Variants in RDH13 observed in about 807,000 individuals in gnomAD.
The protein encoded by RDH13 is retinol dehydrogenase 13, also known as retinol dehydrogenase 13 (all-trans and 9-cis).
A neutral mutation model predicts 28.3 loss-of-function variants in RDH13; 35 were observed. The ratio of observed to expected loss-of-function variants is 1.24; its 90% CI spans 0.95 to 1.64. The LOEUF (loss-of-function observed/expected upper bound fraction) is 1.64, where lower values mean the gene tolerates loss of function less well. RDH13 is among the 40% of genes most tolerant of loss of function. The pLI, the probability that RDH13 is intolerant of heterozygous loss-of-function variation, is 0.00. For synonymous variants in RDH13, 229 were observed against 198.5 expected, an observed-to-expected ratio of 1.15 and a Z score of -1.29; for missense variants, 514 against 446.3, an observed-to-expected ratio of 1.15 and a Z score of -1.37.
intron 1 of RDH13, among the ~76,000 whole-genome samples, chr19:55,061,379 T>C (rs1346317920): frequency 6.6e-6 from 1 of 151,834 alleles, no homozygotes; most frequent in East Asian, 2.0e-4. Flanking sequence ...TCCGCCTGCC[T>C]TGGCCTCCCA....
intron 3 of RDH13, among the ~76,000 whole-genome samples, chr19:55,049,464 G>C (rs187712955): frequency 1.4e-4 from 21 of 152,226 alleles, no homozygotes; most frequent in Admixed American, 1.3e-3. Flanking sequence ...CTCGGGTTCC[G>C]TAACAAAGTG....
chr19:55,048,794 C>T lies in RDH13; in HGVS notation c.341-31G>A, dbSNP rs770061374. ...AGAGAGGGGTGGAGGAGGAGACATCCCGGTGAGGACAGACCCCAGCCTGAT... is the reference window on the plus strand; with the variant it reads ...AGAGAGGGGTGGAGGAGGAGACATCTCGGTGAGGACAGACCCCAGCCTGAT... On this transcript the variant is annotated intron_variant, in intron 3 of 6. Transcript: ENST00000415061. The T allele has an allele frequency of 4.4e-6, 7 of 1,578,134 alleles. No individual in the cohort carries two copies. The South Asian group carries it at 6.7e-5, about 15-fold the overall frequency.
chr19:55,066,935 C>A (rs1422568088), upstream of RDH13, among the ~76,000 whole-genome samples: 1 of 152,142 alleles, frequency 6.6e-6, no homozygotes, highest in Non-Finnish European at 1.5e-5. Flanking sequence ...ACAGCCCCAG[C>A]CATCACCAAA....
chr19:55,061,409 G>A (rs929269661), intron 1 of RDH13, among the ~76,000 whole-genome samples: 4 of 151,768 alleles, frequency 2.6e-5, no homozygotes, highest in African/African-American at 4.8e-5. Flanking sequence ...GATTACAGGC[G>A]TGAGCCACCA....
intron 3 of RDH13, among the ~76,000 whole-genome samples, chr19:55,054,316 C>G (rs1234254764): frequency 6.6e-6 from 1 of 152,210 alleles, no homozygotes; most frequent in Non-Finnish European, 1.5e-5. Context: ...AACAAAGCAG[C>G]TGGGCATGGT....
chr19:55,052,490 G>A (rs1452122634), intron 3 of RDH13, among the ~76,000 whole-genome samples: 3 of 149,960 alleles, frequency 2.0e-5, no homozygotes, highest in East Asian at 2.0e-4. Context: ...GATGCCGTGA[G>A]CCAAGATCCC....
At chr19:55,047,275 G>A in intron 6 of RDH13, 112 bp downstream of exon 6, 1 of 1,485,946 alleles carries the variant, frequency 6.7e-7, no homozygotes, top group Non-Finnish European at 8.9e-7. Context: ...CGTAGGCGAG[G>A]AGCAGGCATG....
At position 55,056,657 on chromosome 19, in the gene RDH13, A is replaced by G; in HGVS notation, c.336T>C (p.Ile112=). 6.2e-7 allele frequency: 1 copy of G among 1,613,778 alleles called. No homozygotes were observed. The highest frequency in any genetic ancestry group is 8.5e-7 in the Non-Finnish European group (1 of 1,179,936). The change falls in exon 3 of 7, where the codon ATT becomes ATC. Residue 112 remains isoleucine (I), a synonymous_variant. Coordinates refer to ENST00000415061, the MANE Select transcript of RDH13 (RefSeq NM_001145971.2). The stretch of plus-strand genomic sequence containing the variant: ...ACATGGCCAGCGTTCTCCTACCTTC[A>G]ATGATCTTTGCTGCAAACTCTCGGA... ...KSIREFAAKI[I]EEEERVDILI...
At chr19:55,051,536 T>C (rs940844177) in intron 3 of RDH13, among the ~76,000 whole-genome samples, 3 of 59,956 alleles carry the variant, frequency 5.0e-5, no homozygotes, top group African/African-American at 1.6e-4. Flanking sequence ...GTTCAGGCGA[T>C]TCTGCTGCCT....
In RDH13 at chr19:55,056,671, CA is replaced by C; in HGVS notation, c.321del (p.Phe107LeufsTer15). On this transcript the variant is annotated frameshift_variant, in exon 3 of 7. Coordinates refer to ENST00000415061, the MANE Select transcript of RDH13 (RefSeq NM_001145971.2). LOFTEE classifies it high-confidence loss of function. ...CTCCTACCTTCAATGATCTTTGCTGCAAACTCTCGGATAGACTTGAGGGAAG... is the reference window on the plus strand; with the variant it reads ...CTCCTACCTTCAATGATCTTTGCTGCAACTCTCGGATAGACTTGAGGGAAG... ...DLASLKSIRE[F>X]AAKIIEEEER... The C allele has an allele frequency of 6.2e-7, 1 of 1,614,004 alleles. No individual in the cohort carries two copies. Among genetic ancestry groups the C allele is most frequent in the Non-Finnish European group, 8.5e-7 (1 of 1,179,990 alleles).
upstream of RDH13, among the ~76,000 whole-genome samples, chr19:55,065,252 C>T (rs1333657033): frequency 1.3e-5 from 2 of 151,376 alleles, no homozygotes; most frequent in South Asian, 2.1e-4. Flanking sequence ...GGTTTGGTGG[C>T]ACGCATCTGC....
chr19:55,041,390 A>G (rs1383201885), downstream of RDH13: 1 of 152,280 alleles, frequency 6.6e-6, no homozygotes, highest in Admixed American at 6.5e-5. Flanking sequence ...AGCCAAGGAC[A>G]CTGCTCAGCA....
At chr19:55,052,413 G>A (rs866171758) in intron 3 of RDH13, among the ~76,000 whole-genome samples, 2 of 149,686 alleles carry the variant, frequency 1.3e-5, no homozygotes, top group African/African-American at 2.5e-5. Context: ...GCGTGGTGGC[G>A]CATGCCTGTA....
At chr19:55,049,617 G>C (rs149365788) in intron 3 of RDH13, among the ~76,000 whole-genome samples, 3 of 151,778 alleles carry the variant, frequency 2.0e-5, no homozygotes, top group Non-Finnish European at 1.5e-5. Context: ...TGGAGAAACC[G>C]CGTCTTTACT....
In RDH13 at chr19:55,056,906, A is replaced by G. The variant is rs1039156410; in HGVS notation, c.185-98T>C. ...CATACGTCTACACAAAAACACATCC[A>G]CCAATGTTCACTGCGGCATTCTTCA... On this transcript the variant is annotated intron_variant, in intron 2 of 6. Coordinates refer to ENST00000415061, the MANE Select transcript of RDH13 (RefSeq NM_001145971.2). The G allele has an allele frequency of 7.7e-6, 8 of 1,035,028 alleles. No individual in the cohort carries two copies. In the African/African-American group the frequency reaches 1.1e-4, roughly 15 times the overall value. The allele number at this position is 1,035,028 out of a possible 1,614,324, so 64.1% of individuals were successfully genotyped here.
At chr19:55,041,461 G>A (rs138907028), downstream of RDH13, 1,491 of 152,404 alleles carry the variant, frequency 9.8e-3, 17 homozygotes, top group Middle Eastern at 0.017. Context: ...ACATATAGGT[G>A]GGAAGGATGC....
In RDH13 at chr19:55,045,228, G is replaced by A. The variant is rs563274186; in HGVS notation, c.842C>T (p.Ala281Val). Residue 281 changes from alanine (A) to valine (V), a missense_variant, in exon 7 of 7, where the codon GCG (alanine) becomes GTG (valine). Coordinates refer to ENST00000415061, the MANE Select transcript of RDH13 (RefSeq NM_001145971.2). Reference sequence around the variant, plus strand: ...ATCGAAGTACTTTCCGGAAACATCCGCCAGTTCCTCCGCCACGGCCAGGTA... The same window carrying A: ...ATCGAAGTACTTTCCGGAAACATCCACCAGTTCCTCCGCCACGGCCAGGTA... Reference protein sequence around the residue: ...STYLAVAEELADVSGKYFDGL... With the variant: ...STYLAVAEELVDVSGKYFDGL... 6.7e-5 allele frequency: 108 copies of A among 1,613,388 alleles called. No individual in the cohort carries two copies. In the South Asian group the frequency reaches 9.7e-4, roughly 14 times the overall value.
intron 6 of RDH13, 65 bp from the exon 7 acceptor site, chr19:55,045,374 C>CCTGA: frequency 3.0e-6 from 4 of 1,350,994 alleles, no homozygotes; most frequent in Non-Finnish European, 4.1e-6. Context: ...AGCCCCGCTC[C>CCTGA]CCGGTCAGGG....
intron 3 of RDH13, among the ~76,000 whole-genome samples, chr19:55,050,129 G>C (rs1480631927): frequency 2.7e-5 from 4 of 150,794 alleles, no homozygotes; most frequent in African/African-American, 4.9e-5. Flanking sequence ...TTTTTTTGGG[G>C]GGGGGAGATG....
Sources: allele counts gnomAD v4.1 joint callset (sites outside exome capture counted in the v4.1 genomes callset), GRCh38; gene constraint gnomAD v4.1.1; transcripts MANE v1.5; gene names NCBI Gene and HGNC (gene_info 2026-07-23, HGNC 2026-07-21).